The following TPD52L1 variants were observed in gnomAD, a reference collection of about 807,000 sequenced individuals.
TPD52L1 encodes tumor protein D53.
Under a neutral mutation model 28.7 loss-of-function variants are expected in TPD52L1, and 18 were observed. That is an observed-to-expected ratio of 0.63 (90% CI 0.43 to 0.93). TPD52L1 has a LOEUF of 0.93. Among genes scored for constraint, TPD52L1 ranks in the 40% least tolerant of loss-of-function variants. TPD52L1 has a pLI of 0.00. For synonymous variants in TPD52L1, 75 were observed against 88.8 expected (o/e 0.84, Z 0.88); for missense variants, 203 against 254.8 (o/e 0.80, Z 1.39).
At chr6:125,165,204 G>A (rs1790814592) in intron 1 of TPD52L1, among the ~76,000 whole-genome samples, 1 of 149,416 alleles carries the variant, frequency 6.7e-6, no homozygotes, top group Admixed American at 6.8e-5. Flanking sequence ...ACACATAAAA[G>A]GTGACCTCAA....
chr6:125,239,336 G>A (rs1009077058), intron 3 of TPD52L1, among the ~76,000 whole-genome samples: 4 of 152,112 alleles, frequency 2.6e-5, no homozygotes, highest in African/African-American at 9.7e-5. Context: ...ACATACCCAA[G>A]ATTGGGTAAT....
chr6:125,212,857 G>A (rs925991491), intron 1 of TPD52L1, among the ~76,000 whole-genome samples: 7 of 152,164 alleles, frequency 4.6e-5, no homozygotes, highest in Non-Finnish European at 1.0e-4. Flanking sequence ...GCTAACTGTA[G>A]GTATAGTGAA....
intron 3 of TPD52L1, among the ~76,000 whole-genome samples, chr6:125,232,271 G>A (rs1795999266): frequency 6.6e-6 from 1 of 152,158 alleles, no homozygotes; most frequent in Non-Finnish European, 1.5e-5. Flanking sequence ...CTCTCTTTAG[G>A]AGGAGGCATA....
intron 1 of TPD52L1, among the ~76,000 whole-genome samples, chr6:125,172,157 T>TTTCCTTTCTTTC (rs1554202455): frequency 5.6e-5 from 3 of 54,010 alleles, no homozygotes; most frequent in African/African-American, 2.6e-4. Context: ...TCTTTCTTTC[T>TTTCCTTTCTTTC]TTTCTTTCTT....
intron 1 of TPD52L1, among the ~76,000 whole-genome samples, chr6:125,203,998 C>T (rs567772296): frequency 3.3e-5 from 5 of 152,260 alleles, no homozygotes; most frequent in South Asian, 2.1e-4. Context: ...GAGGAGACAC[C>T]TTTCTCCTGC....
chr6:125,210,963 TA>T (rs1402882909), intron 1 of TPD52L1, among the ~76,000 whole-genome samples: 3 of 152,160 alleles, frequency 2.0e-5, no homozygotes, highest in Non-Finnish European at 1.5e-5. Flanking sequence ...ATCACTATAC[TA>T]TCTTGCAATC....
At chr6:125,250,298 G>A (rs1016845629) in intron 4 of TPD52L1, among the ~76,000 whole-genome samples, 1 of 152,170 alleles carries the variant, frequency 6.6e-6, no homozygotes, top group Non-Finnish European at 1.5e-5. Flanking sequence ...CTCAGAGGTT[G>A]TGCTCAGTAA....
At chr6:125,229,379 A>G in intron 3 of TPD52L1, 113 bp downstream of exon 3, 2 of 1,098,808 alleles carry the variant, frequency 1.8e-6, no homozygotes, top group Non-Finnish European at 1.3e-6. Flanking sequence ...CTAGGAAAAA[A>G]AAATACTTTC....
chr6:125,174,522 A>G (rs1388412012), intron 1 of TPD52L1, among the ~76,000 whole-genome samples: 2 of 152,208 alleles, frequency 1.3e-5, no homozygotes, highest in Non-Finnish European at 2.9e-5. Context: ...CCTACTAAAA[A>G]AGACCGAAAT....
intron 1 of TPD52L1, among the ~76,000 whole-genome samples, chr6:125,219,309 G>A (rs1203485919): frequency 1.3e-5 from 2 of 152,154 alleles, no homozygotes; most frequent in African/African-American, 2.4e-5. Flanking sequence ...CAAGTTAGAA[G>A]CTATTCTGGG....
At chr6:125,258,045 G>A (rs937353079) in intron 6 of TPD52L1, among the ~76,000 whole-genome samples, 3 of 152,142 alleles carry the variant, frequency 2.0e-5, no homozygotes, top group Admixed American at 6.5e-5. Context: ...TCTGAATCCT[G>A]TATCTTCACG....
intron 1 of TPD52L1, among the ~76,000 whole-genome samples, chr6:125,211,066 C>G (rs1321051657): frequency 6.6e-6 from 1 of 152,074 alleles, no homozygotes; most frequent in East Asian, 1.9e-4. Flanking sequence ...ACACTTAAGG[C>G]ACATAATTAG....
chr6:125,200,490 A>G (rs891964611), intron 1 of TPD52L1, among the ~76,000 whole-genome samples: 2 of 152,240 alleles, frequency 1.3e-5, no homozygotes, highest in African/African-American at 2.4e-5. Flanking sequence ...AAAAATTAAC[A>G]GTTATATACG....
intron 1 of TPD52L1, among the ~76,000 whole-genome samples, chr6:125,172,084 TTCTTTCTTTCTTTCC>T (rs1791351274): frequency 1.4e-5 from 2 of 138,060 alleles, no homozygotes; most frequent in African/African-American, 6.2e-5. Context: ...TTCTTTCTCT[TTCTTTCTTTCTTTCC>T]CTTTCTTTCT....
intron 1 of TPD52L1, chr6:125,208,978 G>A: frequency 2.0e-6 from 2 of 982,690 alleles, no homozygotes; most frequent in Non-Finnish European, 2.4e-6. Flanking sequence ...GGCAAGCAAT[G>A]CTGAGCACTG....
intron 6 of TPD52L1, among the ~76,000 whole-genome samples, chr6:125,260,832 GAA>G (rs1797870782): frequency 1.8e-5 from 2 of 113,736 alleles, no homozygotes; most frequent in South Asian, 3.5e-4. Context: ...AAGAAAGGAA[GAA>G]AGGAAGAGAA....
intron 1 of TPD52L1, among the ~76,000 whole-genome samples, chr6:125,174,484 T>G (rs185819241): frequency 6.6e-5 from 10 of 152,310 alleles, no homozygotes. Flanking sequence ...CTATCTGGCC[T>G]GCATGCAAAT....
chr6:125,207,947 G>T (rs1794254653), intron 1 of TPD52L1, among the ~76,000 whole-genome samples: 1 of 152,164 alleles, frequency 6.6e-6, no homozygotes, highest in Non-Finnish European at 1.5e-5. Context: ...AACACACCTG[G>T]AGCATAGCAT....
At chr6:125,163,703 A>T (rs1452115610) in intron 1 of TPD52L1, among the ~76,000 whole-genome samples, 1 of 151,782 alleles carries the variant, frequency 6.6e-6, no homozygotes, top group Non-Finnish European at 1.5e-5. Flanking sequence ...AGGTGGGCGG[A>T]TCACCTGAGG....
Sources: allele counts gnomAD v4.1 joint callset (sites outside exome capture counted in the v4.1 genomes callset), GRCh38; gene constraint gnomAD v4.1.1; transcripts MANE v1.5; gene names NCBI Gene and HGNC (gene_info 2026-07-23, HGNC 2026-07-21).